CDC42BPG: variants seen among roughly 807,000 people sequenced by gnomAD.
CDC42BPG encodes the protein serine/threonine-protein kinase MRCK gamma.
CDC42BPG carries 157 observed loss-of-function variants against 192.2 expected under a neutral mutation model. The observed-to-expected ratio is 0.82, with a 90% CI of 0.72 to 0.93. The LOEUF (loss-of-function observed/expected upper bound fraction) is 0.93, where lower values mean the gene tolerates loss of function less well. CDC42BPG is among the 40% of genes least tolerant of loss of function. CDC42BPG has a pLI of 0.00. For missense variants in CDC42BPG, 1,992 were observed against 2,122.1 expected (o/e 0.94, Z 1.20); for synonymous variants, 981 against 918.5 (o/e 1.07, Z -1.23).
At chr11:64,836,669 G>C (rs1285489585) in intron 11 of CDC42BPG, 70 bp downstream of exon 11, 2 of 1,141,090 alleles carry the variant, frequency 1.8e-6, no homozygotes, top group Non-Finnish European at 2.4e-6. Flanking sequence ...GCTTGTCCAG[G>C]GCAGGGCAGG....
intron 36 of CDC42BPG, 115 bp downstream of exon 36, chr11:64,826,355 G>A (rs1041027347): frequency 5.5e-6 from 4 of 728,358 alleles, no homozygotes; most frequent in Admixed American, 2.2e-5. Flanking sequence ...GTAGAATCGA[G>A]GGCAGGGATG....
In CDC42BPG at chr11:64,836,829, A is replaced by C. The variant is rs1943038175; in HGVS notation, c.1304-10T>G. 1.9e-6 allele frequency: 3 copies of C among 1,605,910 alleles called. No individual in the cohort carries two copies. The highest frequency in any genetic ancestry group is 3.4e-5 in the Admixed American group (2 of 59,076). ...GGGGCGTGCAGGGCCTCTGGAGGGG[A>C]GGTGGTACCCACAGGTGAGTCCACT... On this transcript the variant is annotated splice_polypyrimidine_tract_variant and intron_variant, in intron 10 of 36. Transcript: ENST00000342711.
chr11:64,842,088 G>A (rs1004682390), intron 1 of CDC42BPG, among the ~76,000 whole-genome samples, 184 bp from the exon 2 acceptor site: 6 of 152,166 alleles, frequency 3.9e-5, no homozygotes, highest in African/African-American at 1.2e-4. Context: ...CAGGAAGTGC[G>A]GAAGGTCAGA....
chr11:64,837,796 C>T (rs148490480), intron 9 of CDC42BPG, among the ~76,000 whole-genome samples: 37 of 152,336 alleles, frequency 2.4e-4, no homozygotes, highest in Admixed American at 1.2e-3. Flanking sequence ...CAAAGTGAGG[C>T]CTGGGAGCAG....
intron 28 of CDC42BPG, among the ~76,000 whole-genome samples, chr11:64,831,231 GAAA>G (rs11429027): frequency 6.8e-6 from 1 of 146,832 alleles, no homozygotes; most frequent in South Asian, 2.1e-4. Context: ...AAAAGAAAAA[GAAA>G]AAAAAAAAGC....
At chr11:64,838,274 AG>A (rs897179766) in intron 8 of CDC42BPG, 112 bp from the exon 9 acceptor site, 6 of 780,176 alleles carry the variant, frequency 7.7e-6, no homozygotes, top group African/African-American at 5.3e-5. Flanking sequence ...GTGGGAACTC[AG>A]GGGGGTAACA....
At position 64,833,307 on chromosome 11, in the gene CDC42BPG, G is replaced by A; in HGVS notation, c.2655C>T (p.Ser885=). ...GGAGACACTTGGTCGGGGATGGGAAGCTCCGGGGGCGCAGCGTGTGTGAGC... is the reference window on the plus strand; with the variant it reads ...GGAGACACTTGGTCGGGGATGGGAAACTCCGGGGGCGCAGCGTGTGTGAGC... The part of the protein sequence containing the change: ...KPGSHTLRPR[S]FPSPTKCLRC... The change falls in exon 24 of 37, where the codon AGC becomes AGT. Residue 885 remains serine, a synonymous_variant. Transcript: ENST00000342711. The A allele has an allele frequency of 6.5e-7, 1 of 1,539,970 alleles. No homozygotes were observed. The highest frequency in any genetic ancestry group is 2.5e-5 in the East Asian group (1 of 40,762).
chr11:64,828,817 C>T (rs775498701), intron 30 of CDC42BPG, among the ~76,000 whole-genome samples: 9 of 152,148 alleles, frequency 5.9e-5, no homozygotes, highest in Non-Finnish European at 8.8e-5. Context: ...TTTGGGAGGC[C>T]AAGGCAGGTG....
intron 1 of CDC42BPG, among the ~76,000 whole-genome samples, chr11:64,843,560 CA>C (rs1427655429): frequency 6.6e-6 from 1 of 152,142 alleles, no homozygotes; most frequent in African/African-American, 2.4e-5. Context: ...GCCCACTGGG[CA>C]AACACCTGCC....
In CDC42BPG at chr11:64,844,381, C is replaced by A. The variant is rs759677814; in HGVS notation, c.160+29G>T. The A allele has an allele frequency of 2.2e-5, 30 of 1,374,488 alleles. No homozygotes were observed. The Admixed American group carries it at 8.8e-4, about 40-fold the overall frequency. 85.1% of individuals were successfully genotyped at this position (1,374,488 alleles called of 1,614,324 possible). ...TCTCGGCGCGATATCCCTAGGCCCG[C>A]CCCCGCTCCGTGCCGCCCCGCCACT... On this transcript the variant is annotated intron_variant, in intron 1 of 36. Coordinates refer to ENST00000342711, the MANE Select transcript of CDC42BPG (RefSeq NM_017525.3).
Position 64,827,291 on chromosome 11 carries a change from T to G in CDC42BPG, c.4258A>C (p.Lys1420Gln), listed in dbSNP as rs764713850. The G allele has an allele frequency of 1.9e-5, 31 of 1,613,732 alleles. No homozygotes were observed. Among genetic ancestry groups the G allele is most frequent in the Non-Finnish European group, 2.4e-5 (28 of 1,179,888 alleles). ...GTGCACGCGCACCTGCGCTGCTGCT[T>G]CTGCTGCTCCTCCGACACGCGGAAA... ...FFFRVSEEQQ[K>Q]QQRREMLKDP... is the part of the protein sequence containing the mutation. Residue 1420 changes from lysine to glutamine, a missense_variant, in exon 33 of 37, where the codon AAG becomes CAG. Coordinates refer to ENST00000342711, the MANE Select transcript of CDC42BPG (RefSeq NM_017525.3).
Position 64,839,522 on chromosome 11 carries a change from G to C in CDC42BPG, c.631C>G (p.Leu211Val), listed in dbSNP as rs148615430. ...CGCAGGCAGGAGCCGAAGTCAGCCA[G>C]GCGAATGTGCCCGTTCACATCCAGC... Reference protein sequence around the residue: ...VLLDVNGHIRLADFGSCLRLN... With the variant: ...VLLDVNGHIRVADFGSCLRLN... Residue 211 changes from leucine (L) to valine (V), a missense_variant, in exon 6 of 37, where the codon CTG becomes GTG. Leu to Val is a conservative substitution (Grantham distance 32). Transcript: ENST00000342711. The C allele has an allele frequency of 1.2e-6, 2 of 1,613,266 alleles. No individual in the cohort carries two copies. The highest frequency in any genetic ancestry group is 8.5e-7 in the Non-Finnish European group (1 of 1,179,992).
chr11:64,837,040 T>C (rs1386438865), intron 9 of CDC42BPG, 21 bp from the exon 10 acceptor site: 3 of 1,589,420 alleles, frequency 1.9e-6, no homozygotes, highest in Middle Eastern at 1.7e-4. Flanking sequence ...ACAGGGGCCA[T>C]GTTTGTTGGT....
chr11:64,830,323 C>T, intron 28 of CDC42BPG, 67 bp from the exon 29 acceptor site: 1 of 1,290,750 alleles, frequency 7.7e-7, no homozygotes, highest in Non-Finnish European at 1.1e-6. Context: ...TTGGGCAGTC[C>T]ACCTGCCCTG....
At position 64,839,029 on chromosome 11, in the gene CDC42BPG, A is replaced by C. The variant is rs758203570; in HGVS notation, c.876+4T>G. ...TCTGGAAGCCCAGAGCCTGGTGTCC[A>C]GACCTCGTGGTTCATGATCTTGCCG... On this transcript the variant is annotated splice_donor_region_variant and intron_variant, in intron 7 of 36. Coordinates refer to ENST00000342711, the MANE Select transcript of CDC42BPG (RefSeq NM_017525.3). 1 of 1,613,612 alleles carries C rather than the reference A, an allele frequency of 6.2e-7. No individual in the cohort carries two copies. Among genetic ancestry groups the C allele is most frequent in the South Asian group, 1.1e-5 (1 of 91,086 alleles).
intron 1 of CDC42BPG, 59 bp from the exon 2 acceptor site, chr11:64,841,963 C>G (rs1352747433): frequency 1.4e-6 from 2 of 1,385,768 alleles, no homozygotes; most frequent in African/African-American, 2.9e-5. Context: ...TTCCCCCTCT[C>G]ACCTTGGGCA....
At position 64,823,842 on chromosome 11, in the gene CDC42BPG, T is replaced by A. The variant is rs1942326130; in HGVS notation, c.*631A>T. 6.5e-6 allele frequency: 1 copy of A among 154,686 alleles called. No homozygotes were observed. Among genetic ancestry groups the A allele is most frequent in the African/African-American group, 2.4e-5 (1 of 41,368 alleles). 9.6% of individuals were successfully genotyped at this position (154,686 alleles called of 1,614,324 possible). A position where few individuals can be genotyped will look rare whatever the true frequency, so the allele number is the denominator to read the frequency against. ...TCCATCCCTCTTTTTGTCTCCCTCCTCTTCTTCATCGCTCCTCCTTCGTCC... is the reference window on the plus strand; with the variant it reads ...TCCATCCCTCTTTTTGTCTCCCTCCACTTCTTCATCGCTCCTCCTTCGTCC... On this transcript the variant is annotated 3_prime_UTR_variant, in exon 37 of 37. Coordinates refer to ENST00000342711, the MANE Select transcript of CDC42BPG (RefSeq NM_017525.3).
At chr11:64,841,957 C>T in intron 1 of CDC42BPG, 53 bp from the exon 2 acceptor site, 9 of 1,424,794 alleles carry the variant, frequency 6.3e-6, no homozygotes, top group South Asian at 6.1e-5. Flanking sequence ...GCTCCATTCC[C>T]CCTCTCACCT....
chr11:64,827,308 ACGCGGAAAAAGAAG>A lies in CDC42BPG; in HGVS notation c.4227_4240del (p.Phe1410ValfsTer132). 6.2e-7 allele frequency: 1 copy of A among 1,613,872 alleles called. No homozygotes were observed. The highest frequency in any genetic ancestry group is 8.5e-7 in the Non-Finnish European group (1 of 1,179,916). The stretch of plus-strand genomic sequence containing the variant: ...CTGCTGCTTCTGCTGCTCCTCCGAC[ACGCGGAAAAAGAAG>A]CGGCGCTTGCTCTTGGTGCGGAACA... On this transcript the variant is annotated frameshift_variant, in exon 33 of 37. Coordinates refer to ENST00000342711, the MANE Select transcript of CDC42BPG (RefSeq NM_017525.3). LOFTEE classifies it high-confidence loss of function.
Sources: allele counts gnomAD v4.1 joint callset (sites outside exome capture counted in the v4.1 genomes callset), GRCh38; gene constraint gnomAD v4.1.1; transcripts MANE v1.5; gene names NCBI Gene and HGNC (gene_info 2026-07-23, HGNC 2026-07-21).